Variants in DIAPH3 observed in about 807,000 individuals in gnomAD.
DIAPH3 encodes the protein diaphanous related formin 3.
A neutral mutation model predicts 144.3 loss-of-function variants in DIAPH3; 117 were observed. The observed-to-expected ratio is 0.81, with a 90% CI of 0.70 to 0.95. The LOEUF (loss-of-function observed/expected upper bound fraction) is 0.95. Among genes scored for constraint, DIAPH3 ranks in the 40% least tolerant of loss-of-function variants. The probability of loss-of-function intolerance (pLI) is 0.00; values close to 1 mark genes in which losing one functional copy is unlikely to be tolerated. For synonymous variants in DIAPH3, 519 were observed against 488.9 expected, an observed-to-expected ratio of 1.06 and a Z score of -0.81; for missense variants, 1,421 against 1,412.7, an observed-to-expected ratio of 1.01 and a Z score of -0.09.
At position 59,992,050 on chromosome 13, in the gene DIAPH3, T is replaced by C; in HGVS notation, c.1244+18A>G. On this transcript the variant is annotated intron_variant, in intron 11 of 27. Coordinates refer to ENST00000400324, the MANE Select transcript of DIAPH3 (RefSeq NM_001042517.2). ...AATTTTATATATGATTTGACTAGAC[T>C]TCAGAACAAAAGGATATTCAAGTTC... 2.5e-6 allele frequency: 4 copies of C among 1,592,406 alleles called. No homozygotes were observed. The highest frequency in any genetic ancestry group is 3.4e-6 in the Non-Finnish European group (4 of 1,161,108).
In DIAPH3 at chr13:59,833,104, T is replaced by C. The variant is rs1481288998; in HGVS notation, c.3027+3A>G. 3 of 1,606,806 alleles carry C rather than the reference T, an allele frequency of 1.9e-6. No individual in the cohort carries two copies. The highest frequency in any genetic ancestry group is 2.2e-5 in the South Asian group (2 of 89,832). Reference sequence around the variant, plus strand: ...TTTTTAAAAAACAATTTTTTTACCATACCATGAATGTGGTTCTGAAGTTAT... The same window carrying C: ...TTTTTAAAAAACAATTTTTTTACCACACCATGAATGTGGTTCTGAAGTTAT... On this transcript the variant is annotated splice_donor_region_variant and intron_variant, in intron 24 of 27. Transcript: ENST00000400324.
Position 59,833,036 on chromosome 13 carries a change from C to T in DIAPH3, c.3027+71G>A, listed in dbSNP as rs141626456. The T allele has an allele frequency of 3.2e-4, 368 of 1,133,262 alleles. No individual in the cohort carries two copies. The East Asian group carries it at 8.5e-3, about 26-fold the overall frequency. The allele number at this position is 1,133,262 out of a possible 1,614,324, so 70.2% of individuals were successfully genotyped here. A position where few individuals can be genotyped will look rare whatever the true frequency, so the allele number is the denominator to read the frequency against. ...TTTTCCTACAGCAACAAGAGTAGAACGATGTAATGAGATAATAGATAAGAT... is the reference window on the plus strand; with the variant it reads ...TTTTCCTACAGCAACAAGAGTAGAATGATGTAATGAGATAATAGATAAGAT... On this transcript the variant is annotated intron_variant, in intron 24 of 27. Coordinates refer to ENST00000400324, the MANE Select transcript of DIAPH3 (RefSeq NM_001042517.2).
chr13:59,833,822 T>G (rs1711606392), intron 23 of DIAPH3, among the ~76,000 whole-genome samples: 1 of 151,722 alleles, frequency 6.6e-6, no homozygotes, highest in South Asian at 2.1e-4. Flanking sequence ...CTAAATGAGC[T>G]AACACATGCA....
intron 17 of DIAPH3, among the ~76,000 whole-genome samples, chr13:59,962,119 A>T (rs2049798281): frequency 6.6e-6 from 1 of 152,190 alleles, no homozygotes; most frequent in Admixed American, 6.5e-5. Flanking sequence ...AAATTTAAAT[A>T]GGCAGCAGTT....
chr13:60,110,128 A>C (rs1555376713), intron 3 of DIAPH3, among the ~76,000 whole-genome samples: 1 of 152,198 alleles, frequency 6.6e-6, no homozygotes, highest in Non-Finnish European at 1.5e-5. Flanking sequence ...CTTTCAAAGG[A>C]CTGTCTTGAG....
At position 60,162,782 on chromosome 13, in the gene DIAPH3, T is replaced by TAC. The variant is rs1477570422; in HGVS notation, c.180+803_180+804dup. 1.0e-3 allele frequency among the ~76,000 whole-genome samples: 126 copies of TAC among 122,952 alleles called. 2 individuals are homozygous for TAC. The East Asian group carries it at 0.027, about 26-fold the overall frequency. The allele number at this position is 122,952 out of a possible 152,430, so 80.7% of individuals were successfully genotyped here. A position where few individuals can be genotyped will look rare whatever the true frequency, so the allele number is the denominator to read the frequency against. ...ACTTGCCCACATAAGGCAAATGCTG[T>TAC]ACTCTCTCTCTCTCTCTCTCTCTCT... On this transcript the variant is annotated intron_variant, in intron 1 of 27. Transcript: ENST00000400324.
At chr13:59,988,303 T>A (rs997913906) in intron 12 of DIAPH3, among the ~76,000 whole-genome samples, 1 of 151,922 alleles carries the variant, frequency 6.6e-6, no homozygotes, top group South Asian at 2.1e-4. Context: ...ACGTGGTACA[T>A]ACATTTAAAC....
At chr13:59,956,557 G>A (rs2049416132) in intron 17 of DIAPH3, among the ~76,000 whole-genome samples, 1 of 152,244 alleles carries the variant, frequency 6.6e-6, no homozygotes, top group South Asian at 2.1e-4. Context: ...GAGGCATGCT[G>A]CAGGGGCAAA....
chr13:59,983,134 ATC>A (rs760325907), intron 13 of DIAPH3, among the ~76,000 whole-genome samples: 6,097 of 84,732 alleles, frequency 0.072, 288 homozygotes, highest in African/African-American at 0.18. Context: ...ATAATGCTTT[ATC>A]TTTAAAAAAA....
chr13:59,698,806 A>C (rs1327158710), intron 27 of DIAPH3, among the ~76,000 whole-genome samples: 1 of 152,194 alleles, frequency 6.6e-6, no homozygotes, highest in Non-Finnish European at 1.5e-5. Context: ...AAGAATTAGG[A>C]TGGCATGGTG....
At chr13:60,076,800 TAAA>T (rs1317546758) in intron 4 of DIAPH3, among the ~76,000 whole-genome samples, 1 of 152,152 alleles carries the variant, frequency 6.6e-6, no homozygotes, top group Non-Finnish European at 1.5e-5. Flanking sequence ...CCACTAATCT[TAAA>T]TAAGCATTAT....
chr13:60,139,957 T>C (rs765157166), intron 1 of DIAPH3, among the ~76,000 whole-genome samples: 1 of 152,184 alleles, frequency 6.6e-6, no homozygotes, highest in East Asian at 1.9e-4. Context: ...ACTTTACAAG[T>C]AGGTTCAGTT....
chr13:59,837,763 T>C (rs1478407225), intron 23 of DIAPH3: 1 of 150,484 alleles, frequency 6.6e-6, no homozygotes, highest in Admixed American at 6.6e-5. Flanking sequence ...AGATTTCACC[T>C]TTACTTAAAA....
In DIAPH3 at chr13:59,833,061, T is replaced by A. The variant is rs775411792; in HGVS notation, c.3027+46A>T. 8 of 1,384,062 alleles carry A rather than the reference T, an allele frequency of 5.8e-6. 1 individual carries two copies. The South Asian group carries it at 9.8e-5, about 17-fold the overall frequency. The allele number at this position is 1,384,062 out of a possible 1,614,324, so 85.7% of individuals were successfully genotyped here. A position where few individuals can be genotyped will look rare whatever the true frequency, so the allele number is the denominator to read the frequency against. ...CGATGTAATGAGATAATAGATAAGA[T>A]AGTATAAATAAAAAAACTTTTTAAA... On this transcript the variant is annotated intron_variant, in intron 24 of 27. Transcript: ENST00000400324.
At chr13:60,052,732 G>A (rs1426851310) in intron 4 of DIAPH3, among the ~76,000 whole-genome samples, 5 of 151,658 alleles carry the variant, frequency 3.3e-5, no homozygotes, top group South Asian at 2.1e-4. Flanking sequence ...GAGCAAAGGC[G>A]GGCGGATCAC....
chr13:59,963,706 C>T (rs566470770), intron 17 of DIAPH3, among the ~76,000 whole-genome samples: 1 of 152,098 alleles, frequency 6.6e-6, no homozygotes, highest in Non-Finnish European at 1.5e-5. Context: ...TAAATAGAGA[C>T]AGGGTCTCAC....
chr13:59,968,592 T>C (rs2050184113), intron 17 of DIAPH3, among the ~76,000 whole-genome samples: 1 of 152,204 alleles, frequency 6.6e-6, no homozygotes, highest in South Asian at 2.1e-4. Context: ...ATACCATTTT[T>C]AATACTTTAG....
intron 27 of DIAPH3, among the ~76,000 whole-genome samples, chr13:59,703,195 G>A (rs1307303132): frequency 6.6e-6 from 1 of 152,240 alleles, no homozygotes; most frequent in African/African-American, 2.4e-5. Context: ...TTGAGATGTG[G>A]TGAAGTGCAA....
intron 4 of DIAPH3, among the ~76,000 whole-genome samples, chr13:60,068,145 A>C (rs1250910735): frequency 6.6e-6 from 1 of 152,202 alleles, no homozygotes; most frequent in Non-Finnish European, 1.5e-5. Context: ...GTTTAACAGC[A>C]GTGAATAAAA....
Sources: allele counts gnomAD v4.1 joint callset (sites outside exome capture counted in the v4.1 genomes callset), GRCh38; gene constraint gnomAD v4.1.1; transcripts MANE v1.5; gene names NCBI Gene and HGNC (gene_info 2026-07-23, HGNC 2026-07-21).